The following WDPCP variants were observed in gnomAD, a reference collection of about 807,000 sequenced individuals.
WDPCP encodes the protein WD repeat-containing and planar cell polarity effector protein fritz homolog.
Under a neutral mutation model 93.1 loss-of-function variants are expected in WDPCP, and 71 were observed. The ratio of observed to expected loss-of-function variants is 0.76; its 90% confidence interval spans 0.63 to 0.93. The LOEUF (loss-of-function observed/expected upper bound fraction) is 0.93, where lower values mean the gene tolerates loss of function less well. Among genes scored for constraint, WDPCP ranks in the 40% least tolerant of loss-of-function variants. WDPCP has a pLI of 0.00. For synonymous variants in WDPCP, 315 were observed against 315.0 expected, an observed-to-expected ratio of 1.00 and a Z score of 0.00; for missense variants, 844 against 887.4, an observed-to-expected ratio of 0.95 and a Z score of 0.62.
intron 2 of WDPCP, among the ~76,000 whole-genome samples, chr2:63,748,108 GACA>G (rs1669825983): frequency 6.6e-6 from 1 of 151,816 alleles, no homozygotes; most frequent in Non-Finnish European, 1.5e-5. Flanking sequence ...GTTGGTATCT[GACA>G]ACTTTTGTTA....
chr2:63,468,079 C>A (rs1699465262), intron 6 of WDPCP, among the ~76,000 whole-genome samples: 1 of 152,160 alleles, frequency 6.6e-6, no homozygotes, highest in Non-Finnish European at 1.5e-5. Flanking sequence ...CCAATCCTGT[C>A]CAACAGGGGA....
chr2:63,539,324 CAG>C (rs1347522446), intron 1 of WDPCP, among the ~76,000 whole-genome samples: 1 of 152,098 alleles, frequency 6.6e-6, no homozygotes, highest in Non-Finnish European at 1.5e-5. Context: ...TGAAAGCAGA[CAG>C]AAATTATTTT....
At chr2:63,752,136 T>G in intron 2 of WDPCP, 2 of 615,708 alleles carry the variant, frequency 3.2e-6, no homozygotes, top group Non-Finnish European at 5.9e-6. Context: ...CACGACGGTA[T>G]TTCTGAATGA....
chr2:63,638,804 A>G (rs980018244), intron 3 of WDPCP, among the ~76,000 whole-genome samples: 6 of 149,866 alleles, frequency 4.0e-5, no homozygotes, highest in South Asian at 2.1e-4. Flanking sequence ...AAAGAAAAAA[A>G]AAAAAGGAAA....
At chr2:63,380,831 G>T (rs181797239) in intron 11 of WDPCP, among the ~76,000 whole-genome samples, 66 of 152,130 alleles carry the variant, frequency 4.3e-4, no homozygotes, top group African/African-American at 1.5e-3. Flanking sequence ...CGTGTGACTT[G>T]GGCCAAGACC....
chr2:63,407,688 A>G (rs1266651901), intron 9 of WDPCP, among the ~76,000 whole-genome samples: 1 of 152,230 alleles, frequency 6.6e-6, no homozygotes, highest in African/African-American at 2.4e-5. Context: ...AGCTTCTGGC[A>G]TCTTTAAAAA....
chr2:63,839,592 T>G, the WDPCP span, among the ~76,000 whole-genome samples: 1 of 152,204 alleles, frequency 6.6e-6, no homozygotes, highest in Admixed American at 6.5e-5. Flanking sequence ...CAACAACAAA[T>G]AAATCTCTTC....
intron 17 of WDPCP, among the ~76,000 whole-genome samples, chr2:63,133,414 C>T (rs749572336): frequency 1.6e-4 from 25 of 152,152 alleles, no homozygotes; most frequent in Non-Finnish European, 1.2e-4. Context: ...CAAATAAGGT[C>T]AGCCTTGTTC....
At chr2:63,544,435 A>C (rs753597129) in intron 1 of WDPCP, among the ~76,000 whole-genome samples, 3 of 152,164 alleles carry the variant, frequency 2.0e-5, no homozygotes, top group Non-Finnish European at 2.9e-5. Flanking sequence ...ATTATAATCT[A>C]TTTAAAATAT....
At chr2:63,194,353 AG>A (rs1338619152) in intron 14 of WDPCP, among the ~76,000 whole-genome samples, 1 of 152,174 alleles carries the variant, frequency 6.6e-6, no homozygotes, top group Non-Finnish European at 1.5e-5. Flanking sequence ...GGGTGATAAC[AG>A]GCAACTTATC....
At chr2:63,453,706 A>G (rs1698423128) in intron 6 of WDPCP, among the ~76,000 whole-genome samples, 1 of 152,160 alleles carries the variant, frequency 6.6e-6, no homozygotes. Flanking sequence ...AATGTCCAAC[A>G]ATGACATACT....
intron 12 of WDPCP, among the ~76,000 whole-genome samples, chr2:63,369,983 G>A (rs141949280): frequency 9.9e-5 from 15 of 152,186 alleles, no homozygotes; most frequent in African/African-American, 3.1e-4. Context: ...TGCTTTGGGC[G>A]ACACCCCTCA....
intron 15 of WDPCP, among the ~76,000 whole-genome samples, chr2:63,173,849 A>G (rs1673586189): frequency 6.6e-6 from 1 of 152,228 alleles, no homozygotes; most frequent in South Asian, 2.1e-4. Flanking sequence ...GGTATGTATA[A>G]TTGATATATA....
At chr2:63,370,737 T>G (rs1392221767) in intron 12 of WDPCP, among the ~76,000 whole-genome samples, 3 of 152,162 alleles carry the variant, frequency 2.0e-5, no homozygotes. Flanking sequence ...GTTTTGGTTT[T>G]TATTTACCTA....
intron 2 of WDPCP, among the ~76,000 whole-genome samples, chr2:63,681,532 A>T (rs1282213675): frequency 3.3e-5 from 5 of 152,116 alleles, no homozygotes; most frequent in African/African-American, 1.2e-4. Flanking sequence ...CAAACAATGG[A>T]ACACCGACAG....
At chr2:63,326,709 AGAAAGTC>A (rs1687583044) in intron 12 of WDPCP, among the ~76,000 whole-genome samples, 1 of 151,936 alleles carries the variant, frequency 6.6e-6, no homozygotes, top group Non-Finnish European at 1.5e-5. Flanking sequence ...GGAGACAGAC[AGAAAGTC>A]AGAGAGAGAG....
In WDPCP at chr2:63,284,432, T is replaced by C. The variant is rs1479227315; in HGVS notation, c.1813-25023A>G. Among the ~76,000 whole-genome samples the C allele has an allele frequency of 6.6e-5, 10 of 152,234 alleles. No individual in the cohort carries two copies. The South Asian group carries it at 8.3e-4, about 13-fold the overall frequency. ...CATATATCTTAGCAACCTCAGCATA[T>C]GATTTTTTAATCTTTCCTTATTATG... On this transcript the variant is annotated intron_variant, in intron 13 of 17. Coordinates refer to ENST00000272321, the MANE Select transcript of WDPCP (RefSeq NM_015910.7).
At chr2:63,616,308 G>A (rs1056165365) in intron 3 of WDPCP, among the ~76,000 whole-genome samples, 2 of 152,082 alleles carry the variant, frequency 1.3e-5, no homozygotes, top group African/African-American at 4.8e-5. Flanking sequence ...GAAAAGCCTT[G>A]AGCCTGGAAA....
chr2:63,433,745 C>T lies in WDPCP; in HGVS notation c.825G>A (p.Glu275=), dbSNP rs1696933120. 6.2e-7 allele frequency: 1 copy of T among 1,609,940 alleles called. No homozygotes were observed. The highest frequency in any genetic ancestry group is 1.3e-5 in the African/African-American group (1 of 74,668). Residue 275 remains glutamate, a splice_region_variant and synonymous_variant, in exon 9 of 18, where the codon GAG becomes GAA. Coordinates refer to ENST00000272321, the MANE Select transcript of WDPCP (RefSeq NM_015910.7). The part of the protein sequence containing the change: ...LLLGYAQGRL[E]VLSSVRTEWD... Reference sequence around the variant, plus strand: ...ATGTACATATTTGTTTTAGATTTACCTCTAGTCTTCCTTGAGCATAACCCA... The same window carrying T: ...ATGTACATATTTGTTTTAGATTTACTTCTAGTCTTCCTTGAGCATAACCCA...
Sources: allele counts gnomAD v4.1 joint callset (sites outside exome capture counted in the v4.1 genomes callset), GRCh38; gene constraint gnomAD v4.1.1; transcripts MANE v1.5; gene names NCBI Gene and HGNC (gene_info 2026-07-23, HGNC 2026-07-21).